CNTNAP2: variants seen among roughly 807,000 people sequenced by gnomAD.
CNTNAP2 encodes contactin-associated protein-like 2.
In CNTNAP2, 98 loss-of-function variants were observed where a neutral mutation model predicts 155.2. That is an observed-to-expected ratio of 0.63 (90% CI 0.54 to 0.75). The LOEUF is 0.75. Ranked by LOEUF, CNTNAP2 falls within the 30% of genes least tolerant of loss-of-function variation. The pLI is 0.00. For missense variants in CNTNAP2, 1,727 were observed against 1,688.1 expected, an observed-to-expected ratio of 1.02 and a Z score of -0.40; for synonymous variants, 651 against 631.2, an observed-to-expected ratio of 1.03 and a Z score of -0.47.
chr7:147,561,330 C>G (rs183834268), intron 11 of CNTNAP2, among the ~76,000 whole-genome samples: 74 of 152,236 alleles, frequency 4.9e-4, no homozygotes, highest in Non-Finnish European at 9.1e-4. Flanking sequence ...CTTTCACATT[C>G]TTCATTAATT....
At chr7:147,205,547 T>C (rs1378997985) in intron 8 of CNTNAP2, among the ~76,000 whole-genome samples, 1 of 150,984 alleles carries the variant, frequency 6.6e-6, no homozygotes, top group East Asian at 2.0e-4. Flanking sequence ...ATTATTCAAC[T>C]ATGAAAAAGA....
intron 1 of CNTNAP2, among the ~76,000 whole-genome samples, chr7:146,380,616 T>G (rs145674768): frequency 6.6e-6 from 1 of 152,074 alleles, no homozygotes; most frequent in Non-Finnish European, 1.5e-5. Context: ...TTTAAAATAT[T>G]TTTTCAGTTA....
intron 1 of CNTNAP2, among the ~76,000 whole-genome samples, chr7:146,167,200 A>C (rs1418012823): frequency 6.6e-6 from 1 of 152,248 alleles, no homozygotes; most frequent in Non-Finnish European, 1.5e-5. Context: ...TAAATCATAC[A>C]GGTGAATTCC....
intron 1 of CNTNAP2, among the ~76,000 whole-genome samples, chr7:146,702,648 T>C (rs1354235842): frequency 1.3e-5 from 2 of 152,154 alleles, no homozygotes. Context: ...AGTAGCCATG[T>C]GTGCCTAATA....
chr7:146,118,314 A>G (rs1438953649), intron 1 of CNTNAP2, among the ~76,000 whole-genome samples: 1 of 152,142 alleles, frequency 6.6e-6, no homozygotes, highest in African/African-American at 2.4e-5. Flanking sequence ...ATTGTATAGC[A>G]TTTTTTATAA....
intron 4 of CNTNAP2, among the ~76,000 whole-genome samples, chr7:147,061,792 C>G (rs1799680304): frequency 6.6e-6 from 1 of 152,118 alleles, no homozygotes; most frequent in African/African-American, 2.4e-5. Context: ...AAAACACTAG[C>G]TGAATAAACT....
At chr7:146,401,542 G>T (rs1284869244) in intron 1 of CNTNAP2, among the ~76,000 whole-genome samples, 1 of 152,116 alleles carries the variant, frequency 6.6e-6, no homozygotes, top group East Asian at 1.9e-4. Context: ...TTGTACTGTA[G>T]TTGATTTTGT....
At chr7:148,081,318 T>A in intron 15 of CNTNAP2, among the ~76,000 whole-genome samples, 1 of 152,130 alleles carries the variant, frequency 6.6e-6, no homozygotes, top group East Asian at 1.9e-4. Context: ...TGCAAAGTAT[T>A]GATCTTGGGT....
chr7:147,896,272 G>A (rs1799775451), intron 13 of CNTNAP2, among the ~76,000 whole-genome samples: 1 of 152,132 alleles, frequency 6.6e-6, no homozygotes, highest in Non-Finnish European at 1.5e-5. Flanking sequence ...TGCCATATGA[G>A]ATTAGCACAC....
chr7:146,194,523 G>A (rs2116857165), intron 1 of CNTNAP2, among the ~76,000 whole-genome samples: 1 of 152,204 alleles, frequency 6.6e-6, no homozygotes, highest in Admixed American at 6.5e-5. Context: ...CTCCCACCAG[G>A]TCCCTGTCAG....
intron 5 of CNTNAP2, among the ~76,000 whole-genome samples, chr7:147,119,180 ATGTT>A (rs1801050753): frequency 6.6e-6 from 1 of 152,168 alleles, no homozygotes; most frequent in South Asian, 2.1e-4. Flanking sequence ...ATATCTAAAG[ATGTT>A]TATTTTTTCA....
chr7:147,854,950 G>C (rs1011386388), intron 13 of CNTNAP2, among the ~76,000 whole-genome samples: 2 of 152,138 alleles, frequency 1.3e-5, no homozygotes, highest in Non-Finnish European at 2.9e-5. Flanking sequence ...GCCCAAGAAA[G>C]AGAATATAAA....
chr7:146,472,874 C>G (rs1796820377), intron 1 of CNTNAP2, among the ~76,000 whole-genome samples: 1 of 150,950 alleles, frequency 6.6e-6, no homozygotes, highest in African/African-American at 2.4e-5. Context: ...TTAATATTAT[C>G]ATTTTTATAT....
intron 15 of CNTNAP2, among the ~76,000 whole-genome samples, chr7:148,059,720 T>G (rs1447123538): frequency 1.3e-5 from 2 of 149,330 alleles, no homozygotes; most frequent in African/African-American, 2.4e-5. Flanking sequence ...AATTTCTATA[T>G]TTTAAAATAT....
At chr7:146,876,099 T>C (rs1486324894) in intron 3 of CNTNAP2, among the ~76,000 whole-genome samples, 1 of 152,126 alleles carries the variant, frequency 6.6e-6, no homozygotes, top group South Asian at 2.1e-4. Flanking sequence ...TGGCAGATTG[T>C]TTTGGTTTTT....
chr7:147,284,280 A>G lies in CNTNAP2; in HGVS notation c.1349-15861A>G, dbSNP rs114783363. Among the ~76,000 whole-genome samples the G allele has an allele frequency of 8.4e-3, 1,274 of 151,872 alleles. 22 individuals carry two copies. The highest frequency in any genetic ancestry group is 0.029 in the African/African-American group (1,184 of 41,468). On this transcript the variant is annotated intron_variant, in intron 8 of 23. Coordinates refer to ENST00000361727, the MANE Select transcript of CNTNAP2 (RefSeq NM_014141.6). The stretch of plus-strand genomic sequence containing the variant: ...AGCATGAAAAGGAATCTTGTAATTC[A>G]GCTGGAATGAAGCGTTCATTTTAGT...
intron 8 of CNTNAP2, among the ~76,000 whole-genome samples, chr7:147,249,046 G>A (rs1204528111): frequency 3.9e-5 from 6 of 152,160 alleles, no homozygotes; most frequent in Non-Finnish European, 8.8e-5. Context: ...CTGAATACCA[G>A]AGACTGAGGG....
At chr7:147,353,664 T>G (rs1796008415) in intron 9 of CNTNAP2, among the ~76,000 whole-genome samples, 1 of 152,160 alleles carries the variant, frequency 6.6e-6, no homozygotes, top group Non-Finnish European at 1.5e-5. Context: ...ATATACCCAG[T>G]CATGGGATTG....
At chr7:147,904,359 G>A (rs1799923894) in intron 14 of CNTNAP2, among the ~76,000 whole-genome samples, 1 of 152,192 alleles carries the variant, frequency 6.6e-6, no homozygotes, top group African/African-American at 2.4e-5. Context: ...CTGGGTCTGT[G>A]TCAGTAACAG....
Sources: gnomAD v4.1 joint callset for allele counts (sites outside exome capture counted in the v4.1 genomes callset) on GRCh38, gnomAD v4.1.1 for gene constraint, MANE v1.5 for transcripts, NCBI Gene and HGNC (gene_info 2026-07-23, HGNC 2026-07-21) for gene names.